PPM1L: variants seen among roughly 807,000 people sequenced by gnomAD.
PPM1L encodes protein phosphatase 1L.
Under a neutral mutation model 31.4 loss-of-function variants are expected in PPM1L, and 13 were observed. The ratio of observed to expected loss-of-function variants is 0.41; its 90% confidence interval spans 0.27 to 0.66. The LOEUF (loss-of-function observed/expected upper bound fraction) is 0.66, where lower values mean the gene tolerates loss of function less well. Among genes scored for constraint, PPM1L ranks in the 30% least tolerant of loss-of-function variants. The pLI, the probability that PPM1L is intolerant of heterozygous loss-of-function variation, is 0.29. For missense variants in PPM1L, 326 were observed against 453.7 expected (o/e 0.72, Z 2.56); for synonymous variants, 184 against 175.4 (o/e 1.05, Z -0.39).
At chr3:160,863,427 G>A (rs1182604264) in intron 1 of PPM1L, among the ~76,000 whole-genome samples, 1 of 152,098 alleles carries the variant, frequency 6.6e-6, no homozygotes, top group East Asian at 1.9e-4. Flanking sequence ...TCCACTAAAT[G>A]CCTTTAGTTA....
chr3:161,002,425 A>C (rs1717528069), intron 2 of PPM1L, among the ~76,000 whole-genome samples: 3 of 152,324 alleles, frequency 2.0e-5, no homozygotes, highest in Non-Finnish European at 4.4e-5. Flanking sequence ...TGTCTTCCAC[A>C]ATGGTTGAAC....
chr3:161,063,823 G>A (rs978773675), intron 2 of PPM1L, among the ~76,000 whole-genome samples: 16 of 152,152 alleles, frequency 1.1e-4, no homozygotes, highest in African/African-American at 3.1e-4. Flanking sequence ...TATACACCAC[G>A]GAATACTATG....
At chr3:160,962,374 C>A (rs2108108698) in intron 2 of PPM1L, among the ~76,000 whole-genome samples, 1 of 152,138 alleles carries the variant, frequency 6.6e-6, no homozygotes, top group Middle Eastern at 3.4e-3. Context: ...CATCTCACTG[C>A]CTGCCATAGG....
intron 2 of PPM1L, among the ~76,000 whole-genome samples, chr3:161,015,769 C>T (rs1718067745): frequency 6.6e-6 from 1 of 152,190 alleles, no homozygotes; most frequent in Non-Finnish European, 1.5e-5. Flanking sequence ...AGTGTGTGTG[C>T]AGGCAGCCTC....
intron 1 of PPM1L, among the ~76,000 whole-genome samples, chr3:160,878,979 C>T (rs1385992887): frequency 1.3e-5 from 2 of 152,186 alleles, no homozygotes; most frequent in African/African-American, 4.8e-5. Flanking sequence ...AAACTCAGAA[C>T]CTGAATTATT....
chr3:160,867,704 C>A (rs564718956), intron 1 of PPM1L, among the ~76,000 whole-genome samples: 2 of 151,874 alleles, frequency 1.3e-5, no homozygotes, highest in African/African-American at 4.8e-5. Context: ...TAGAAAATAG[C>A]GATAATTTTT....
rs566966834 is a variant in PPM1L at position 160,760,711 on chromosome 3, G to GT, written c.399+4014dup. On this transcript the variant is annotated intron_variant, in intron 1 of 3. Coordinates refer to ENST00000498165, the MANE Select transcript of PPM1L (RefSeq NM_139245.4). ...AATTTTTATCTACAGGCAAAAGGTG[G>GT]TTTTTTTTTTGTTTTTTTTTTTTAA... Among the ~76,000 whole-genome samples the GT allele has an allele frequency of 1.6e-3, 238 of 146,140 alleles. No individual in the cohort carries two copies. The South Asian group carries it at 0.018, about 11-fold the overall frequency.
chr3:160,835,923 G>T (rs139733558), intron 1 of PPM1L, among the ~76,000 whole-genome samples: 18 of 151,790 alleles, frequency 1.2e-4, no homozygotes, highest in African/African-American at 4.1e-4. Context: ...TTATCCAGGG[G>T]GTATCTAGGG....
At chr3:161,058,326 T>G (rs141010067) in intron 2 of PPM1L, among the ~76,000 whole-genome samples, 1 of 151,468 alleles carries the variant, frequency 6.6e-6, no homozygotes, top group East Asian at 1.9e-4. Flanking sequence ...GGTTTCACCA[T>G]GTTGGCCAGG....
chr3:161,000,660 A>G (rs936724327), intron 2 of PPM1L, among the ~76,000 whole-genome samples: 1 of 152,216 alleles, frequency 6.6e-6, no homozygotes, highest in Admixed American at 6.5e-5. Context: ...TATTGATTGC[A>G]ATGACTTTTA....
chr3:160,997,788 C>G lies in PPM1L; in HGVS notation c.574+35878C>G, dbSNP rs748025040. On this transcript the variant is annotated intron_variant, in intron 2 of 3. Coordinates refer to ENST00000498165, the MANE Select transcript of PPM1L (RefSeq NM_139245.4). ...CAGGAAGCAAAGAAGCACATATAGTCTGCAGTTTTGTTTTTCGCATTTTAT... is the reference window on the plus strand; with the variant it reads ...CAGGAAGCAAAGAAGCACATATAGTGTGCAGTTTTGTTTTTCGCATTTTAT... 1.2e-4 allele frequency among the ~76,000 whole-genome samples: 18 copies of G among 152,114 alleles called. 1 individual carries two copies. The highest frequency in any genetic ancestry group is 2.2e-4 in the Non-Finnish European group (15 of 68,012).
intron 1 of PPM1L, among the ~76,000 whole-genome samples, chr3:160,852,712 T>G (rs1181914493): frequency 2.0e-5 from 3 of 152,232 alleles, no homozygotes; most frequent in Middle Eastern, 3.2e-3. Context: ...ACTATGCTTT[T>G]AATATCGTAC....
intron 2 of PPM1L, among the ~76,000 whole-genome samples, chr3:161,042,731 G>GT (rs1483998404): frequency 6.6e-6 from 1 of 152,072 alleles, no homozygotes; most frequent in African/African-American, 2.4e-5. Flanking sequence ...AACATTGTGG[G>GT]TTTTTTTGGC....
chr3:160,909,767 T>G (rs1311193781), intron 1 of PPM1L, among the ~76,000 whole-genome samples: 1 of 152,062 alleles, frequency 6.6e-6, no homozygotes, highest in Non-Finnish European at 1.5e-5. Context: ...GTCGGGGAGT[T>G]TTTAGAAGAT....
intron 1 of PPM1L, among the ~76,000 whole-genome samples, chr3:160,915,521 G>A (rs1247340069): frequency 6.6e-6 from 1 of 152,078 alleles, no homozygotes; most frequent in Non-Finnish European, 1.5e-5. Context: ...TCCCCATCAA[G>A]CTGCCAATGA....
intron 1 of PPM1L, among the ~76,000 whole-genome samples, chr3:160,961,030 C>G (rs1460038378): frequency 6.6e-6 from 1 of 152,082 alleles, no homozygotes; most frequent in African/African-American, 2.4e-5. Context: ...GTGTGTTGTA[C>G]AGATAGTGTA....
At chr3:161,028,425 C>T (rs1284783087) in intron 2 of PPM1L, among the ~76,000 whole-genome samples, 1 of 152,018 alleles carries the variant, frequency 6.6e-6, no homozygotes, top group African/African-American at 2.4e-5. Context: ...GTGAGTGAGA[C>T]AATCTTAGGC....
chr3:160,767,723 A>G (rs62272813), intron 1 of PPM1L, among the ~76,000 whole-genome samples: 4,736 of 152,282 alleles, frequency 0.031, 114 homozygotes, highest in Middle Eastern at 0.12. Context: ...TTCAAATTGT[A>G]TTTTTAAGAA....
chr3:160,779,911 G>A (rs1466720837), intron 1 of PPM1L, among the ~76,000 whole-genome samples: 1 of 151,970 alleles, frequency 6.6e-6, no homozygotes, highest in South Asian at 2.1e-4. Context: ...GAAAAAATGC[G>A]AATGATTTTT....
Sources: allele counts gnomAD v4.1 joint callset (sites outside exome capture counted in the v4.1 genomes callset), GRCh38; gene constraint gnomAD v4.1.1; transcripts MANE v1.5; gene names NCBI Gene and HGNC (gene_info 2026-07-23, HGNC 2026-07-21).